The following EPYC variants were observed in gnomAD, a reference collection of about 807,000 sequenced individuals.
The protein encoded by EPYC is dermatan sulfate proteoglycan 3.
In EPYC, 28 loss-of-function variants were observed where a neutral mutation model predicts 30.1. That is an observed-to-expected ratio of 0.93 (90% CI 0.69 to 1.28). The LOEUF (loss-of-function observed/expected upper bound fraction) is 1.28, where lower values mean the gene tolerates loss of function less well. EPYC is among the 50% of genes most tolerant of loss of function. EPYC has a pLI of 0.00. For synonymous variants in EPYC, 144 were observed against 141.4 expected, an observed-to-expected ratio of 1.02 and a Z score of -0.13; for missense variants, 382 against 383.5, an observed-to-expected ratio of 1.00 and a Z score of 0.03.
chr12:91,004,573 A>T (rs560237479), intron 1 of EPYC, among the ~76,000 whole-genome samples: 1 of 152,186 alleles, frequency 6.6e-6, no homozygotes, highest in East Asian at 1.9e-4. Flanking sequence ...TAATCTCAGG[A>T]AATTTCACTA....
chr12:90,978,313 T>TGGC (rs746365758), intron 2 of EPYC, 51 bp from the exon 3 acceptor site: 30 of 1,535,410 alleles, frequency 2.0e-5, no homozygotes, highest in Non-Finnish European at 2.6e-5. Context: ...TCTCAGTCAC[T>TGGC]CTGTGTGGCA....
chr12:91,004,354 C>T (rs1434381939), intron 1 of EPYC, among the ~76,000 whole-genome samples: 1 of 152,076 alleles, frequency 6.6e-6, no homozygotes, highest in Non-Finnish European at 1.5e-5. Flanking sequence ...AAAATATATA[C>T]AGCATCTATC....
At chr12:90,977,948 T>C in intron 3 of EPYC, 140 bp downstream of exon 3, 1 of 530,202 alleles carries the variant, frequency 1.9e-6, no homozygotes, top group Non-Finnish European at 3.1e-6. Context: ...AAAATCTATG[T>C]ATAAATATGC....
intron 4 of EPYC, among the ~76,000 whole-genome samples, chr12:90,972,241 A>T (rs904030239): frequency 6.6e-6 from 1 of 152,196 alleles, no homozygotes; most frequent in African/African-American, 2.4e-5. Flanking sequence ...TCTTCTCTCC[A>T]TAATCTTCAT....
chr12:90,986,906 C>T (rs1261174299), intron 2 of EPYC, among the ~76,000 whole-genome samples: 1 of 152,114 alleles, frequency 6.6e-6, no homozygotes, highest in East Asian at 1.9e-4. Flanking sequence ...ATAAATACTA[C>T]ATATTTCTTT....
intron 6 of EPYC, among the ~76,000 whole-genome samples, chr12:90,967,997 A>T (rs1322704957): frequency 1.3e-5 from 2 of 152,124 alleles, no homozygotes; most frequent in Admixed American, 1.3e-4. Flanking sequence ...TAAAAAATAA[A>T]AATAAGAAGA....
intron 2 of EPYC, among the ~76,000 whole-genome samples, chr12:90,992,132 C>T (rs1367529745): frequency 6.6e-6 from 1 of 152,126 alleles, no homozygotes; most frequent in Non-Finnish European, 1.5e-5. Flanking sequence ...GATCATCAGG[C>T]ATTAGATTCT....
At chr12:90,964,359 A>G (rs1252091491) in intron 6 of EPYC, 33 bp from the exon 7 acceptor site, 6 of 1,515,824 alleles carry the variant, frequency 4.0e-6, no homozygotes, top group African/African-American at 1.4e-5. Flanking sequence ...ATGACAAGAT[A>G]TAACACATTC....
intron 6 of EPYC, among the ~76,000 whole-genome samples, chr12:90,969,212 T>C (rs142399928): frequency 1.3e-5 from 2 of 152,002 alleles, no homozygotes; most frequent in Non-Finnish European, 1.5e-5. Flanking sequence ...TTTTCTGCCA[T>C]AAAAGATAAT....
chr12:90,965,857 T>C (rs1384309970), intron 6 of EPYC, among the ~76,000 whole-genome samples: 1 of 152,092 alleles, frequency 6.6e-6, no homozygotes, highest in African/African-American at 2.4e-5. Context: ...GTTAAATTTC[T>C]TTTAGATACC....
At chr12:90,965,261 G>A (rs1350218399) in intron 6 of EPYC, among the ~76,000 whole-genome samples, 1 of 152,018 alleles carries the variant, frequency 6.6e-6, no homozygotes, top group Non-Finnish European at 1.5e-5. Flanking sequence ...TCAATTAATG[G>A]AAATTTGAAT....
intron 4 of EPYC, among the ~76,000 whole-genome samples, chr12:90,972,234 T>A (rs1877070754): frequency 6.6e-6 from 1 of 152,214 alleles, no homozygotes; most frequent in Non-Finnish European, 1.5e-5. Flanking sequence ...TAACTGGTCT[T>A]CTCTCCATAA....
At chr12:91,001,154 G>T (rs997108404) in intron 2 of EPYC, among the ~76,000 whole-genome samples, 1 of 151,952 alleles carries the variant, frequency 6.6e-6, no homozygotes, top group African/African-American at 2.4e-5. Context: ...AGAGAGAGAA[G>T]GGGGAGAGGG....
Position 90,974,066 on chromosome 12 carries a change from A to ACACACG in EPYC, c.341-1087_341-1086insCGTGTG, listed in dbSNP as rs1384422179. The stretch of plus-strand genomic sequence containing the variant: ...CACACACACACACACACACACACAC[A>ACACACG]CACACACCCCTACCTCTCCACCCCT... On this transcript the variant is annotated intron_variant, in intron 3 of 6. Coordinates refer to ENST00000261172, the MANE Select transcript of EPYC (RefSeq NM_004950.5). Among the ~76,000 whole-genome samples, 987 of 150,694 alleles carry ACACACG rather than the reference A, an allele frequency of 6.5e-3. 22 individuals are homozygous for ACACACG. Among genetic ancestry groups the ACACACG allele is most frequent in the East Asian group, 0.051 (261 of 5,118 alleles).
chr12:90,969,492 T>TTTGGTTATTTTA (rs1189554110), intron 6 of EPYC, among the ~76,000 whole-genome samples: 9 of 149,662 alleles, frequency 6.0e-5, no homozygotes, highest in African/African-American at 2.2e-4. Flanking sequence ...TAATGGGCTT[T>TTTGGTTATTTTA]AAAATAACCA....
intron 2 of EPYC, among the ~76,000 whole-genome samples, chr12:90,987,287 C>T (rs998012637): frequency 3.3e-5 from 5 of 151,392 alleles, no homozygotes; most frequent in Non-Finnish European, 7.4e-5. Context: ...ATAACCTCCC[C>T]TCCGCCCAGA....
intron 2 of EPYC, among the ~76,000 whole-genome samples, chr12:91,000,994 A>C (rs1877809489): frequency 6.6e-6 from 1 of 152,074 alleles, no homozygotes. Flanking sequence ...CAGTGAAATA[A>C]ATCAAACAGT....
chr12:90,973,621 A>G (rs1877108493), intron 3 of EPYC, among the ~76,000 whole-genome samples: 1 of 152,186 alleles, frequency 6.6e-6, no homozygotes, highest in African/African-American at 2.4e-5. Flanking sequence ...AGCTGAGCTG[A>G]GATCAGCAGA....
intron 3 of EPYC, among the ~76,000 whole-genome samples, chr12:90,974,073 C>CACACACACACA (rs1877124067): frequency 8.2e-6 from 1 of 121,234 alleles, no homozygotes; most frequent in Admixed American, 8.3e-5. Context: ...CACACACACA[C>CACACACACACA]CCCTACCTCT....
Sources: gnomAD v4.1 joint callset for allele counts (sites outside exome capture counted in the v4.1 genomes callset) on GRCh38, gnomAD v4.1.1 for gene constraint, MANE v1.5 for transcripts, NCBI Gene and HGNC (gene_info 2026-07-23, HGNC 2026-07-21) for gene names.